The following MGAT5 variants were observed in gnomAD, a reference collection of about 807,000 sequenced individuals.
MGAT5 encodes the protein alpha-1,6-mannosylglycoprotein 6-beta-N-acetylglucosaminyltransferase A.
MGAT5 carries 30 observed loss-of-function variants against 94.3 expected under a neutral mutation model. The observed-to-expected ratio is 0.32, with a 90% confidence interval of 0.24 to 0.43. The LOEUF is 0.43. Ranked by LOEUF, MGAT5 falls within the 20% of genes least tolerant of loss-of-function variation. The pLI is 1.00. For synonymous variants in MGAT5, 310 were observed against 322.9 expected, an observed-to-expected ratio of 0.96 and a Z score of 0.43; for missense variants, 691 against 905.5, an observed-to-expected ratio of 0.76 and a Z score of 3.04.
intron 4 of MGAT5, among the ~76,000 whole-genome samples, chr2:134,331,033 C>G (rs2105953178): frequency 6.6e-6 from 1 of 152,188 alleles, no homozygotes; most frequent in East Asian, 1.9e-4. Context: ...CCAACTTGAG[C>G]TGTCTTATGT....
intron 10 of MGAT5, among the ~76,000 whole-genome samples, chr2:134,385,014 G>A (rs1681882559): frequency 6.6e-6 from 1 of 152,132 alleles, no homozygotes; most frequent in Non-Finnish European, 1.5e-5. Flanking sequence ...AAGAGCCATG[G>A]CTACACATAC....
In MGAT5 at chr2:134,400,372, G is replaced by A. The variant is rs550850672; in HGVS notation, c.1381-2616G>A. Among the ~76,000 whole-genome samples, 30 of 152,176 alleles carry A rather than the reference G, an allele frequency of 2.0e-4. No individual in the cohort carries two copies. In the South Asian group the frequency reaches 6.2e-3, roughly 32 times the overall value. On this transcript the variant is annotated intron_variant, in intron 10 of 15. Coordinates refer to ENST00000281923, the MANE Select transcript of MGAT5 (RefSeq NM_002410.5). ...TTTTTTTTCCTCTAATCAGCTGTTGGGATTTTCACGTTTATGAAATTGGTA... is the reference window on the plus strand; with the variant it reads ...TTTTTTTTCCTCTAATCAGCTGTTGAGATTTTCACGTTTATGAAATTGGTA...
intron 9 of MGAT5, among the ~76,000 whole-genome samples, chr2:134,359,450 A>G (rs2106099721): frequency 6.6e-6 from 1 of 152,354 alleles, no homozygotes; most frequent in East Asian, 1.9e-4. Context: ...TTACACGGTT[A>G]TGAGGTTAAA....
chr2:134,192,929 A>T (rs1423651178), intron 1 of MGAT5, among the ~76,000 whole-genome samples: 1 of 151,926 alleles, frequency 6.6e-6, no homozygotes, highest in Non-Finnish European at 1.5e-5. Flanking sequence ...GGAACATACT[A>T]AAATTTTACC....
chr2:134,143,840 CTA>C (rs1488883156), intron 1 of MGAT5, among the ~76,000 whole-genome samples: 1 of 152,236 alleles, frequency 6.6e-6, no homozygotes, highest in East Asian at 1.9e-4. Context: ...AGAAGGCAGA[CTA>C]TGAAATGAAG....
intron 15 of MGAT5, among the ~76,000 whole-genome samples, chr2:134,442,633 G>A (rs1055750076): frequency 6.6e-6 from 1 of 152,114 alleles, no homozygotes; most frequent in Non-Finnish European, 1.5e-5. Context: ...ATTACTTAGT[G>A]GCACCTTTCC....
chr2:134,386,057 T>G (rs1193573646), intron 10 of MGAT5, among the ~76,000 whole-genome samples: 1 of 152,168 alleles, frequency 6.6e-6, no homozygotes, highest in African/African-American at 2.4e-5. Flanking sequence ...CTGGGGACAT[T>G]TTGATCCGGT....
At position 134,254,155 on chromosome 2, in the gene MGAT5, T is replaced by G; in HGVS notation, c.-249T>G. The G allele has an allele frequency of 1.7e-6, 1 of 582,136 alleles. No individual in the cohort carries two copies. The highest frequency in any genetic ancestry group is 3.0e-6 in the Non-Finnish European group (1 of 329,132). The allele number at this position is 582,136 out of a possible 1,614,324, so 36.1% of individuals were successfully genotyped here. On this transcript the variant is annotated 5_prime_UTR_variant, in exon 1 of 16. Coordinates refer to ENST00000281923, the MANE Select transcript of MGAT5 (RefSeq NM_002410.5). ...TCATAAGATATTGAACCAGCAAATTTAAGAGTTGACATTTTACTTAGAGGT... is the reference window on the plus strand; with the variant it reads ...TCATAAGATATTGAACCAGCAAATTGAAGAGTTGACATTTTACTTAGAGGT...
intron 1 of MGAT5, among the ~76,000 whole-genome samples, chr2:134,130,405 G>A (rs1251767710): frequency 7.2e-5 from 11 of 152,272 alleles, no homozygotes; most frequent in Non-Finnish European, 1.0e-4. Flanking sequence ...GGCGCGGGGC[G>A]TGGGATTGGT....
At chr2:134,183,890 A>G (rs908276093) in intron 1 of MGAT5, among the ~76,000 whole-genome samples, 3 of 152,178 alleles carry the variant, frequency 2.0e-5, no homozygotes, top group Non-Finnish European at 2.9e-5. Flanking sequence ...AACGTTTGCC[A>G]TGCAGTTTCT....
chr2:134,431,286 G>C (rs532855772), intron 14 of MGAT5, among the ~76,000 whole-genome samples: 1 of 152,270 alleles, frequency 6.6e-6, no homozygotes, highest in South Asian at 2.1e-4. Flanking sequence ...ACTGTCAGAT[G>C]GGTGCTTAGA....
intron 12 of MGAT5, among the ~76,000 whole-genome samples, chr2:134,420,062 T>G (rs1684210811): frequency 6.6e-6 from 1 of 152,202 alleles, no homozygotes; most frequent in South Asian, 2.1e-4. Flanking sequence ...TCTTAAGAAC[T>G]TAAAGACATC....
chr2:134,441,622 A>G, intron 14 of MGAT5, 136 bp from the exon 15 acceptor site: 1 of 1,038,346 alleles, frequency 9.6e-7, no homozygotes, highest in South Asian at 1.6e-5. Context: ...AATCCAGCCC[A>G]TCCATGTGGC....
At chr2:134,188,740 GCAGACCCCAT>G (rs1171301230) in intron 1 of MGAT5, among the ~76,000 whole-genome samples, 1 of 149,252 alleles carries the variant, frequency 6.7e-6, no homozygotes, top group African/African-American at 2.5e-5. Context: ...CAGAGTTAGT[GCAGACCCCAT>G]CAGTTAAAGG....
intron 2 of MGAT5, among the ~76,000 whole-genome samples, chr2:134,302,544 C>G (rs1686077894): frequency 6.6e-6 from 1 of 152,042 alleles, no homozygotes. Flanking sequence ...ATGTCCTTTC[C>G]CTTTCAACCT....
At chr2:134,266,370 G>A (rs995910368) in intron 1 of MGAT5, among the ~76,000 whole-genome samples, 25 of 151,872 alleles carry the variant, frequency 1.6e-4, no homozygotes, top group Admixed American at 7.9e-4. Context: ...ACAGGCACAC[G>A]CCACCATGCC....
At chr2:134,231,365 T>C (rs967801978) in intron 1 of MGAT5, 1 of 152,180 alleles carries the variant, frequency 6.6e-6, no homozygotes, top group Non-Finnish European at 1.5e-5. Context: ...TTTAAGTTGG[T>C]TAATTGTATG....
chr2:134,184,187 C>CCAGTT (rs1688884477), intron 1 of MGAT5, among the ~76,000 whole-genome samples: 1 of 152,204 alleles, frequency 6.6e-6, no homozygotes, highest in Non-Finnish European at 1.5e-5. Context: ...CAAATAAAAA[C>CCAGTT]CAGTTCAGGA....
At chr2:134,143,186 A>C (rs1448279138) in intron 1 of MGAT5, among the ~76,000 whole-genome samples, 2 of 152,018 alleles carry the variant, frequency 1.3e-5, no homozygotes, top group African/African-American at 4.8e-5. Context: ...GGGCAGGGGC[A>C]TGGGGAGAAT....
Sources: allele counts gnomAD v4.1 joint callset (sites outside exome capture counted in the v4.1 genomes callset), GRCh38; gene constraint gnomAD v4.1.1; transcripts MANE v1.5; gene names NCBI Gene and HGNC (gene_info 2026-07-23, HGNC 2026-07-21).